Variants in GPM6A observed in about 807,000 individuals in gnomAD.
GPM6A encodes the protein glycoprotein M6A.
Under a neutral mutation model 32.1 loss-of-function variants are expected in GPM6A, and 7 were observed. That is an observed-to-expected ratio of 0.22 (90% confidence interval 0.12 to 0.41). GPM6A has a LOEUF of 0.41. GPM6A is among the 10% of genes least tolerant of loss of function. GPM6A has a pLI of 1.00. For missense variants in GPM6A, 235 were observed against 347.2 expected (o/e 0.68, Z 2.57); for synonymous variants, 130 against 123.4 (o/e 1.05, Z -0.35).
At chr4:175,892,104 G>A (rs1417441277) in intron 1 of GPM6A, among the ~76,000 whole-genome samples, 1 of 152,024 alleles carries the variant, frequency 6.6e-6, no homozygotes, top group Non-Finnish European at 1.5e-5. Flanking sequence ...GCCACCTTTT[G>A]GTAACTAAAG....
chr4:175,764,243 T>C (rs2111216980), intron 1 of GPM6A, among the ~76,000 whole-genome samples: 1 of 152,348 alleles, frequency 6.6e-6, no homozygotes, highest in Middle Eastern at 3.4e-3. Flanking sequence ...TCCCGAGTAT[T>C]TTATATAAAG....
intron 1 of GPM6A, among the ~76,000 whole-genome samples, chr4:175,918,166 A>G (rs1167519263): frequency 2.6e-5 from 4 of 152,106 alleles, no homozygotes; most frequent in South Asian, 2.1e-4. Flanking sequence ...TGAAAAAAAA[A>G]GAAACTTTAT....
chr4:175,637,289 A>T (rs28826131), intron 6 of GPM6A, among the ~76,000 whole-genome samples: 3 of 28,916 alleles, frequency 1.0e-4, no homozygotes, highest in African/African-American at 2.4e-4. Context: ...TATTATATAA[A>T]ATATATATTA....
Position 175,943,422 on chromosome 4 carries a change from T to C in GPM6A, c.-23+58887A>G, listed in dbSNP as rs969051170. Among the ~76,000 whole-genome samples, 5 of 152,208 alleles carry C rather than the reference T, an allele frequency of 3.3e-5. No homozygotes were observed. The South Asian group carries it at 6.2e-4, about 19-fold the overall frequency. On this transcript the variant is annotated intron_variant, in intron 1 of 7. Coordinates refer to the GPM6A transcript ENST00000280187. ...CAGAACTTCCAATACTATTCTTGAA[T>C]AGGAGTGGTGTGAGAGGATATGCCT...
At chr4:175,876,559 C>A (rs879749970) in intron 1 of GPM6A, among the ~76,000 whole-genome samples, 3 of 151,994 alleles carry the variant, frequency 2.0e-5, no homozygotes, top group Non-Finnish European at 2.9e-5. Flanking sequence ...CCATGGTAAC[C>A]GCATCCTTCC....
chr4:175,765,152 G>A (rs1274250877), intron 1 of GPM6A, among the ~76,000 whole-genome samples: 1 of 152,086 alleles, frequency 6.6e-6, no homozygotes, highest in Admixed American at 6.6e-5. Context: ...TGGGATTACA[G>A]GCTTGAGCCA....
chr4:175,868,550 A>G (rs959471437), intron 1 of GPM6A, among the ~76,000 whole-genome samples: 4 of 152,040 alleles, frequency 2.6e-5, no homozygotes, highest in Admixed American at 2.0e-4. Context: ...AATTGTTTCA[A>G]TTTTTTTCTT....
chr4:175,803,188 A>T (rs1734543889), intron 1 of GPM6A, among the ~76,000 whole-genome samples: 1 of 151,010 alleles, frequency 6.6e-6, no homozygotes. Flanking sequence ...CATCATCATC[A>T]TCATCATCAT....
At chr4:175,880,829 A>T (rs1024336539) in intron 1 of GPM6A, among the ~76,000 whole-genome samples, 5 of 152,182 alleles carry the variant, frequency 3.3e-5, no homozygotes, top group Non-Finnish European at 7.3e-5. Flanking sequence ...TGTCTTCTGC[A>T]AACAGGGACA....
chr4:175,650,827 T>A (rs964695910), intron 4 of GPM6A, among the ~76,000 whole-genome samples: 1 of 152,154 alleles, frequency 6.6e-6, no homozygotes, highest in Admixed American at 6.5e-5. Context: ...GGAAACCTCA[T>A]TAGAGAAAAA....
intron 1 of GPM6A, among the ~76,000 whole-genome samples, chr4:175,852,623 G>A (rs1386768770): frequency 6.6e-6 from 1 of 152,110 alleles, no homozygotes; most frequent in African/African-American, 2.4e-5. Context: ...TCCCAAATTT[G>A]AAAATGTATT....
At chr4:175,841,156 G>A (rs1365292359) in intron 1 of GPM6A, among the ~76,000 whole-genome samples, 1 of 152,112 alleles carries the variant, frequency 6.6e-6, no homozygotes, top group Non-Finnish European at 1.5e-5. Flanking sequence ...GTAGGCCAAG[G>A]TTGCATTTAG....
At chr4:175,955,607 T>A (rs1373115063) in intron 1 of GPM6A, among the ~76,000 whole-genome samples, 1 of 152,196 alleles carries the variant, frequency 6.6e-6, no homozygotes, top group African/African-American at 2.4e-5. Context: ...TCAGTTTTAT[T>A]TATGAGTATC....
chr4:175,934,228 T>C (rs57447676), intron 1 of GPM6A, among the ~76,000 whole-genome samples: 2,576 of 152,290 alleles, frequency 0.017, 68 homozygotes, highest in African/African-American at 0.059. Context: ...AAATTTTTCC[T>C]CCTTAAAGTC....
chr4:175,988,992 G>C (rs1741059481), intron 1 of GPM6A, among the ~76,000 whole-genome samples: 1 of 152,120 alleles, frequency 6.6e-6, no homozygotes, highest in Admixed American at 6.6e-5. Context: ...AGAGCAAACA[G>C]CTACTTGTAC....
intron 1 of GPM6A, among the ~76,000 whole-genome samples, chr4:175,771,902 C>T (rs973117602): frequency 1.3e-5 from 2 of 152,136 alleles, no homozygotes; most frequent in Admixed American, 1.3e-4. Context: ...AAAACCATAC[C>T]TTCCTTGCTT....
chr4:175,787,227 A>G lies in GPM6A; in HGVS notation c.37+24964T>C, dbSNP rs1193288473. 4.3e-6 allele frequency: 3 copies of G among 697,484 alleles called. No homozygotes were observed. The African/African-American group carries it at 5.4e-5, about 12-fold the overall frequency. 43.2% of individuals were successfully genotyped at this position (697,484 alleles called of 1,614,324 possible). A position where few individuals can be genotyped will look rare whatever the true frequency, so the allele number is the denominator to read the frequency against. On this transcript the variant is annotated intron_variant, in intron 1 of 6. Transcript: ENST00000393658. The stretch of plus-strand genomic sequence containing the variant: ...ATGCCAATTAATAAAATTCATCTTA[A>G]AGCTTTAATAATGTATTTAATGAGG...
intron 1 of GPM6A, among the ~76,000 whole-genome samples, chr4:175,783,691 A>G (rs1733693490): frequency 6.6e-6 from 1 of 151,952 alleles, no homozygotes; most frequent in African/African-American, 2.4e-5. Context: ...ATTTATATAG[A>G]TTGATAAGAA....
intron 1 of GPM6A, among the ~76,000 whole-genome samples, chr4:175,863,452 A>C (rs563624337): frequency 5.5e-4 from 84 of 152,262 alleles, no homozygotes; most frequent in African/African-American, 1.9e-3. Context: ...CATTGAACTA[A>C]TACGCCACAA....
Sources: allele counts gnomAD v4.1 joint callset (sites outside exome capture counted in the v4.1 genomes callset), GRCh38; gene constraint gnomAD v4.1.1; transcripts MANE v1.5; gene names NCBI Gene and HGNC (gene_info 2026-07-23, HGNC 2026-07-21).